Variants in PDE1A observed in about 807,000 individuals in gnomAD.
The protein encoded by PDE1A is phosphodiesterase 1A.
A neutral mutation model predicts 61.7 loss-of-function variants in PDE1A; 35 were observed. The ratio of observed to expected loss-of-function variants is 0.57; its 90% CI spans 0.43 to 0.75. PDE1A has a LOEUF of 0.75. Among genes scored for constraint, PDE1A ranks in the 30% least tolerant of loss-of-function variants. The pLI, the probability that PDE1A is intolerant of heterozygous loss-of-function variation, is 0.00. For synonymous variants in PDE1A, 232 were observed against 213.2 expected, an observed-to-expected ratio of 1.09 and a Z score of -0.77; for missense variants, 597 against 630.6, an observed-to-expected ratio of 0.95 and a Z score of 0.57.
chr2:182,218,416 TA>T (rs1688421510), intron 7 of PDE1A, among the ~76,000 whole-genome samples: 1 of 86,306 alleles, frequency 1.2e-5, no homozygotes, highest in African/African-American at 4.4e-5. Context: ...ACTTAAAGTA[TA>T]ATAAAAAATT....
intron 1 of PDE1A, among the ~76,000 whole-genome samples, chr2:182,290,830 A>G (rs748629369): frequency 6.6e-6 from 1 of 151,922 alleles, no homozygotes; most frequent in Non-Finnish European, 1.5e-5. Context: ...CTCTATTTAG[A>G]ATTTTAACCA....
chr2:182,222,301 A>G (rs1260179399), intron 7 of PDE1A, among the ~76,000 whole-genome samples: 1 of 152,058 alleles, frequency 6.6e-6, no homozygotes, highest in African/African-American at 2.4e-5. Flanking sequence ...AAAGAATTAT[A>G]TACTGTATTA....
the PDE1A span, among the ~76,000 whole-genome samples, chr2:182,584,357 G>A: frequency 6.6e-6 from 1 of 152,196 alleles, no homozygotes; most frequent in South Asian, 2.1e-4. Context: ...GGAGCCACAA[G>A]GAGTTGCAGA....
intron 2 of PDE1A, among the ~76,000 whole-genome samples, chr2:182,246,111 A>G (rs752067334): frequency 5.3e-5 from 8 of 152,148 alleles, no homozygotes; most frequent in South Asian, 4.1e-4. Flanking sequence ...AAAGCTCCAC[A>G]TAAGTCATCT....
chr2:182,211,414 C>T (rs1687588684), intron 7 of PDE1A, among the ~76,000 whole-genome samples: 1 of 152,154 alleles, frequency 6.6e-6, no homozygotes, highest in East Asian at 1.9e-4. Context: ...GTCTTGATTA[C>T]TGTGGTTTTG....
At chr2:182,250,455 T>C (rs1207558635) in intron 2 of PDE1A, among the ~76,000 whole-genome samples, 3 of 152,222 alleles carry the variant, frequency 2.0e-5, no homozygotes, top group Non-Finnish European at 2.9e-5. Context: ...CTAAATACAT[T>C]TGAATTATTT....
At chr2:182,228,338 A>T (rs1313090521) in intron 6 of PDE1A, among the ~76,000 whole-genome samples, 3 of 152,136 alleles carry the variant, frequency 2.0e-5, no homozygotes, top group Non-Finnish European at 2.9e-5. Flanking sequence ...CATCTTGCAG[A>T]TGACAACATG....
intron 2 of PDE1A, among the ~76,000 whole-genome samples, chr2:182,521,618 A>G (rs1386896078): frequency 1.3e-5 from 2 of 152,078 alleles, no homozygotes; most frequent in African/African-American, 2.4e-5. Flanking sequence ...GACTTAGGTA[A>G]TTACATCCCA....
At chr2:182,512,685 T>C (rs193190680) in intron 2 of PDE1A, among the ~76,000 whole-genome samples, 1 of 152,136 alleles carries the variant, frequency 6.6e-6, no homozygotes, top group Admixed American at 6.5e-5. Flanking sequence ...GAAACCCAAT[T>C]CAAGGAATCT....
chr2:182,169,944 C>CCTCTCT (rs772122359), intron 13 of PDE1A, among the ~76,000 whole-genome samples: 29,508 of 118,588 alleles, frequency 0.25, 3,142 homozygotes, highest in East Asian at 0.4. Context: ...ACACACTCTC[C>CCTCTCT]CTCTCTCTCT....
chr2:182,564,855 G>C, the PDE1A span, among the ~76,000 whole-genome samples: 140 of 152,222 alleles, frequency 9.2e-4, 1 homozygote, highest in African/African-American at 3.1e-3. Context: ...CGGCTCCTGA[G>C]GCTTCTGCAT....
intron 1 of PDE1A, among the ~76,000 whole-genome samples, chr2:182,418,097 T>C (rs1703034890): frequency 6.6e-6 from 1 of 152,214 alleles, no homozygotes; most frequent in African/African-American, 2.4e-5. Context: ...TCAAATTAGA[T>C]TCAAATGCAT....
intron 2 of PDE1A, among the ~76,000 whole-genome samples, chr2:182,445,886 C>G (rs1255027064): frequency 6.6e-6 from 1 of 151,996 alleles, no homozygotes; most frequent in African/African-American, 2.4e-5. Flanking sequence ...TTTCATGATA[C>G]TTAAATATTG....
At chr2:182,596,280 A>G in the PDE1A span, among the ~76,000 whole-genome samples, 3 of 152,206 alleles carry the variant, frequency 2.0e-5, no homozygotes, top group African/African-American at 7.2e-5. Flanking sequence ...CAGGCAGAGC[A>G]CTGACAAGCA....
chr2:182,307,036 A>G (rs571132729), intron 1 of PDE1A, among the ~76,000 whole-genome samples: 18 of 152,218 alleles, frequency 1.2e-4, no homozygotes, highest in Non-Finnish European at 2.4e-4. Context: ...AGAAATATTT[A>G]CAAGCATATT....
At chr2:182,382,464 T>G (rs1051830239) in intron 1 of PDE1A, among the ~76,000 whole-genome samples, 2 of 152,196 alleles carry the variant, frequency 1.3e-5, no homozygotes, top group African/African-American at 2.4e-5. Flanking sequence ...ATATTGCACT[T>G]GGAGCCAGAG....
intron 2 of PDE1A, among the ~76,000 whole-genome samples, chr2:182,501,578 T>C (rs1689084205): frequency 6.6e-6 from 1 of 152,224 alleles, no homozygotes; most frequent in South Asian, 2.1e-4. Flanking sequence ...TCTCCTACCA[T>C]ATATTCATTT....
intron 1 of PDE1A, among the ~76,000 whole-genome samples, chr2:182,425,733 A>G (rs1703577511): frequency 6.6e-6 from 1 of 152,266 alleles, no homozygotes; most frequent in South Asian, 2.1e-4. Flanking sequence ...TTGCAACTTG[A>G]CCTTAACATT....
In PDE1A at chr2:182,271,801, T is replaced by A. The variant is rs73032436; in HGVS notation, c.54-7387A>T. Among the ~76,000 whole-genome samples, 1,037 of 152,248 alleles carry A rather than the reference T, an allele frequency of 6.8e-3. 8 individuals are homozygous for A. Among genetic ancestry groups the A allele is most frequent in the African/African-American group, 0.023 (953 of 41,568 alleles). Reference sequence around the variant, plus strand: ...ATGGTTTGCATTAACTCCTGGTAGATTAAAAAATTTCTTTATTGGTGCTCA... The same window carrying A: ...ATGGTTTGCATTAACTCCTGGTAGAATAAAAAATTTCTTTATTGGTGCTCA... On this transcript the variant is annotated intron_variant, in intron 1 of 13. Transcript: ENST00000351439.
Sources: gnomAD v4.1 joint callset for allele counts (sites outside exome capture counted in the v4.1 genomes callset) on GRCh38, gnomAD v4.1.1 for gene constraint, MANE v1.5 for transcripts, NCBI Gene and HGNC (gene_info 2026-07-23, HGNC 2026-07-21) for gene names.